Variants in CCDC7 observed in about 807,000 individuals in gnomAD.
CCDC7 encodes coiled-coil domain-containing protein 7.
Under a neutral mutation model 196.9 loss-of-function variants are expected in CCDC7, and 183 were observed. The observed-to-expected ratio is 0.93, with a 90% CI of 0.82 to 1.05. CCDC7 has a LOEUF of 1.05. Ranked by LOEUF, CCDC7 falls within the 50% of genes least tolerant of loss-of-function variation. The pLI, the probability that CCDC7 is intolerant of heterozygous loss-of-function variation, is 0.00. For synonymous variants in CCDC7, 525 were observed against 484.6 expected (o/e 1.08, Z -1.10); for missense variants, 1,540 against 1,482.2 (o/e 1.04, Z -0.64).
At chr10:32,574,608 ATAGT>A in intron 16 of CCDC7, 8 of 625,312 alleles carry the variant, frequency 1.3e-5, no homozygotes, top group Non-Finnish European at 1.8e-5. Flanking sequence ...TTAGTGGTAA[ATAGT>A]TAATCAAACA....
intron 20 of CCDC7, among the ~76,000 whole-genome samples, chr10:32,642,267 T>C (rs1394358981): frequency 6.6e-6 from 1 of 152,220 alleles, no homozygotes; most frequent in African/African-American, 2.4e-5. Context: ...ACAGAGGCAG[T>C]GAGACCTCCT....
rs545314362 is a variant in CCDC7, at chr10:32,613,148, G to GGGTGGGT, written c.1802-21104_1802-21098dup. On this transcript the variant is annotated intron_variant, in intron 18 of 41. Coordinates refer to ENST00000639629, the Ensembl canonical transcript of CCDC7. ...TTCTGTTTTTTCCTGGTTTAGTCTT[G>GGGTGGGT]GGTGGGTGTATGTGTCCAGGAATTT... 3.6e-3 allele frequency among the ~76,000 whole-genome samples: 549 copies of GGGTGGGT among 152,020 alleles called. 2 individuals carry two copies. The highest frequency in any genetic ancestry group is 0.013 in the African/African-American group (526 of 41,468).
chr10:32,527,219 C>G (rs1439125532), intron 11 of CCDC7, among the ~76,000 whole-genome samples: 1 of 152,174 alleles, frequency 6.6e-6, no homozygotes, highest in African/African-American at 2.4e-5. Context: ...AAAGTCCCCC[C>G]ACTGTTGTGC....
At chr10:32,637,167 C>T (rs532809775) in intron 20 of CCDC7, among the ~76,000 whole-genome samples, 2 of 152,144 alleles carry the variant, frequency 1.3e-5, no homozygotes, top group Non-Finnish European at 2.9e-5. Context: ...AGTTTTCTCC[C>T]ATTCTGTAGG....
chr10:32,719,481 T>C (rs2082086427), intron 25 of CCDC7, among the ~76,000 whole-genome samples: 1 of 152,076 alleles, frequency 6.6e-6, no homozygotes, highest in African/African-American at 2.4e-5. Flanking sequence ...ACTTCATGAC[T>C]AAACACCAAA....
At chr10:32,787,774 C>T (rs1032417972) in intron 29 of CCDC7, among the ~76,000 whole-genome samples, 5 of 152,182 alleles carry the variant, frequency 3.3e-5, no homozygotes, top group Admixed American at 6.5e-5. Context: ...TTTGTCCCAC[C>T]GTCAGACCAG....
At chr10:32,703,394 T>C (rs982560299) in intron 24 of CCDC7, among the ~76,000 whole-genome samples, 5 of 152,116 alleles carry the variant, frequency 3.3e-5, no homozygotes, top group African/African-American at 1.2e-4. Flanking sequence ...GCTATTAGTC[T>C]GATGGGCTTC....
chr10:32,641,971 T>C (rs962296631), intron 20 of CCDC7, among the ~76,000 whole-genome samples: 1 of 152,154 alleles, frequency 6.6e-6, no homozygotes, highest in African/African-American at 2.4e-5. Flanking sequence ...ACAGCTGGTA[T>C]TGGTGAACAG....
At chr10:32,769,618 C>T (rs1023506626) in intron 28 of CCDC7, among the ~76,000 whole-genome samples, 1 of 152,084 alleles carries the variant, frequency 6.6e-6, no homozygotes, top group African/African-American at 2.4e-5. Flanking sequence ...TCTGCTAATG[C>T]TATCCATCCC....
chr10:32,757,936 G>T (rs548403682), intron 28 of CCDC7, among the ~76,000 whole-genome samples: 17 of 152,300 alleles, frequency 1.1e-4, no homozygotes, highest in African/African-American at 4.1e-4. Flanking sequence ...CAATCCCACA[G>T]AAATACAAAG....
chr10:32,668,170 T>G (rs2073235173), intron 21 of CCDC7, among the ~76,000 whole-genome samples: 2 of 152,264 alleles, frequency 1.3e-5, no homozygotes, highest in South Asian at 4.1e-4. Context: ...GCTCTCTGTT[T>G]GTCTGTTATT....
chr10:32,458,997 A>T (rs1008831841), intron 3 of CCDC7, among the ~76,000 whole-genome samples: 2 of 151,872 alleles, frequency 1.3e-5, no homozygotes, highest in Admixed American at 1.3e-4. Context: ...CATTGTAGAG[A>T]CCTTTCACCT....
chr10:32,848,239 G>A (rs1478946600), intron 38 of CCDC7, among the ~76,000 whole-genome samples: 1 of 152,090 alleles, frequency 6.6e-6, no homozygotes, highest in Admixed American at 6.6e-5. Context: ...AATTGGGGCA[G>A]GGGGGATCCA....
chr10:32,663,267 C>G (rs1323433574), intron 20 of CCDC7, among the ~76,000 whole-genome samples: 5 of 152,138 alleles, frequency 3.3e-5, no homozygotes, highest in Non-Finnish European at 7.4e-5. Flanking sequence ...ACTCTACATA[C>G]TTTTTCATCA....
intron 28 of CCDC7, among the ~76,000 whole-genome samples, chr10:32,759,990 A>C (rs1047913940): frequency 6.6e-6 from 1 of 152,186 alleles, no homozygotes; most frequent in Non-Finnish European, 1.5e-5. Flanking sequence ...AAACACATGA[A>C]AAAATGCTCA....
chr10:32,749,637 T>A (rs1327249054), intron 28 of CCDC7, among the ~76,000 whole-genome samples: 1 of 152,200 alleles, frequency 6.6e-6, no homozygotes, highest in Admixed American at 6.5e-5. Flanking sequence ...TTTTGTCCAG[T>A]TAAACAATAT....
rs1268049841 is a variant in CCDC7 at position 32,694,794 on chromosome 10, G to A, written c.2345-85G>A. 1.3e-5 allele frequency: 9 copies of A among 690,138 alleles called. No individual in the cohort carries two copies. The East Asian group carries it at 2.6e-4, about 20-fold the overall frequency. 42.8% of individuals were successfully genotyped at this position (690,138 alleles called of 1,614,324 possible). On this transcript the variant is annotated intron_variant, in intron 23 of 41. Coordinates refer to ENST00000639629, the Ensembl canonical transcript of CCDC7. ...AAATTTATCAAAATGAGAAAATTTTGCTACACAATTACAAGTTTGAAATCT... is the reference window on the plus strand; with the variant it reads ...AAATTTATCAAAATGAGAAAATTTTACTACACAATTACAAGTTTGAAATCT...
intron 13 of CCDC7, among the ~76,000 whole-genome samples, chr10:32,547,926 T>G (rs1418038026): frequency 6.6e-6 from 1 of 152,162 alleles, no homozygotes; most frequent in African/African-American, 2.4e-5. Flanking sequence ...ATTTGTAGTC[T>G]TTTATCCCTC....
chr10:32,715,234 C>T (rs1591966612), intron 25 of CCDC7, among the ~76,000 whole-genome samples: 1 of 152,184 alleles, frequency 6.6e-6, no homozygotes, highest in Non-Finnish European at 1.5e-5. Context: ...CTGCAGCCTC[C>T]GCTGGTGATA....
Sources: allele counts gnomAD v4.1 joint callset (sites outside exome capture counted in the v4.1 genomes callset), GRCh38; gene constraint gnomAD v4.1.1; transcripts MANE v1.5; gene names NCBI Gene and HGNC (gene_info 2026-07-23, HGNC 2026-07-21).